The following MAN1A1 variants were observed in gnomAD, a reference collection of about 807,000 sequenced individuals.
MAN1A1 encodes mannosidase alpha class 1A member 1.
A neutral mutation model predicts 70.8 loss-of-function variants in MAN1A1; 29 were observed. That is an observed-to-expected ratio of 0.41 (90% CI 0.31 to 0.56). The LOEUF (loss-of-function observed/expected upper bound fraction) is 0.56. MAN1A1 is among the 20% of genes least tolerant of loss of function. The probability of loss-of-function intolerance (pLI) is 0.29; values close to 1 mark genes in which losing one functional copy is unlikely to be tolerated. For synonymous variants in MAN1A1, 349 were observed against 330.1 expected (o/e 1.06, Z -0.62); for missense variants, 747 against 841.3 (o/e 0.89, Z 1.39).
intron 2 of MAN1A1, among the ~76,000 whole-genome samples, chr6:119,338,006 T>C (rs1034627945): frequency 2.0e-5 from 3 of 152,010 alleles, no homozygotes; most frequent in African/African-American, 7.2e-5. Flanking sequence ...TTCTCAGGCA[T>C]TTCTAATTAT....
intron 6 of MAN1A1, 68 bp downstream of exon 6, chr6:119,248,192 T>A (rs1449627101): frequency 9.9e-7 from 1 of 1,012,154 alleles, no homozygotes; most frequent in East Asian, 2.4e-5. Flanking sequence ...CTATCTAATG[T>A]ATACTTATTA....
At chr6:119,198,889 C>A (rs945197868) in intron 8 of MAN1A1, among the ~76,000 whole-genome samples, 1 of 152,150 alleles carries the variant, frequency 6.6e-6, no homozygotes, top group Non-Finnish European at 1.5e-5. Context: ...TTTGATATTA[C>A]AACAATAGTC....
chr6:119,331,582 T>TATATATATATACAC (rs1289817776), intron 2 of MAN1A1, among the ~76,000 whole-genome samples: 2 of 144,738 alleles, frequency 1.4e-5, no homozygotes, highest in African/African-American at 5.1e-5. Flanking sequence ...TATATATATA[T>TATATATATATACAC]ATATATATAT....
At chr6:119,227,334 T>C (rs1774545790) in intron 6 of MAN1A1, among the ~76,000 whole-genome samples, 1 of 152,234 alleles carries the variant, frequency 6.6e-6, no homozygotes, top group Admixed American at 6.5e-5. Context: ...TTGTATATCT[T>C]GATTGTGGCA....
intron 6 of MAN1A1, among the ~76,000 whole-genome samples, chr6:119,247,376 C>A (rs1363358400): frequency 1.3e-5 from 2 of 152,106 alleles, no homozygotes; most frequent in Non-Finnish European, 2.9e-5. Context: ...ATGGAGATAA[C>A]AGCATTGACC....
chr6:119,288,614 A>C (rs913765153), intron 5 of MAN1A1, among the ~76,000 whole-genome samples: 2 of 151,914 alleles, frequency 1.3e-5, no homozygotes, highest in Admixed American at 1.3e-4. Flanking sequence ...AGAAATAGGC[A>C]AGTGATGATG....
chr6:119,331,583 A>G (rs894401495), intron 2 of MAN1A1, among the ~76,000 whole-genome samples: 3 of 136,208 alleles, frequency 2.2e-5, no homozygotes, highest in African/African-American at 9.5e-5. Flanking sequence ...ATATATATAT[A>G]TATATATATA....
rs1774587672 is a variant in MAN1A1 at position 119,228,669 on chromosome 6, G to T, written c.992+19591C>A. On this transcript the variant is annotated intron_variant, in intron 6 of 12. Coordinates refer to ENST00000368468, the MANE Select transcript of MAN1A1 (RefSeq NM_005907.4). ...ATATGAAATTCAGAATAAATCTGAAGAACTTAAAAAAACAAATTTGGAAGG... is the reference window on the plus strand; with the variant it reads ...ATATGAAATTCAGAATAAATCTGAATAACTTAAAAAAACAAATTTGGAAGG... Among the ~76,000 whole-genome samples the T allele has an allele frequency of 2.0e-5, 3 of 151,312 alleles. No homozygotes were observed. In the South Asian group the frequency reaches 6.3e-4, roughly 32 times the overall value.
chr6:119,335,035 C>G lies in MAN1A1; in HGVS notation c.603+13428G>C, dbSNP rs143974621. ...ATGGTTTTCCTGAGGATGAGCATCC[C>G]TTCTGTGTAATAACAATTCTAACAA... On this transcript the variant is annotated intron_variant, in intron 2 of 12. Transcript: ENST00000368468. Among the ~76,000 whole-genome samples the G allele has an allele frequency of 1.3e-3, 197 of 152,280 alleles. 1 individual carries two copies. The highest frequency in any genetic ancestry group is 4.6e-3 in the African/African-American group (190 of 41,566).
At position 119,217,448 on chromosome 6, in the gene MAN1A1, A is replaced by AT. The variant is rs199869900; in HGVS notation, c.993-12567dup. ...AGGCATGCACCACCACGCCTGGCTA[A>AT]TTTTTTGTATTTTAGTGGAAACAGG... On this transcript the variant is annotated intron_variant, in intron 6 of 12. Coordinates refer to ENST00000368468, the MANE Select transcript of MAN1A1 (RefSeq NM_005907.4). 9.5e-4 allele frequency among the ~76,000 whole-genome samples: 145 copies of AT among 152,110 alleles called. 2 individuals carry two copies. In the East Asian group the frequency reaches 0.027, roughly 28 times the overall value.
At position 119,250,691 on chromosome 6, in the gene MAN1A1, C is replaced by T. The variant is rs954084937; in HGVS notation, c.898-2337G>A. Among the ~76,000 whole-genome samples the T allele has an allele frequency of 9.3e-5, 14 of 150,392 alleles. No homozygotes were observed. The East Asian group carries it at 2.6e-3, about 28-fold the overall frequency. ...GTGTGTGTGTGCGTGTCAGTTACTC[C>T]CCACCTGCCTCTTCCCCGACATACA... On this transcript the variant is annotated intron_variant, in intron 5 of 12. Transcript: ENST00000368468.
intron 11 of MAN1A1, among the ~76,000 whole-genome samples, chr6:119,183,838 T>TA (rs373214771): frequency 2.2e-4 from 33 of 152,172 alleles, no homozygotes; most frequent in African/African-American, 7.9e-4. Context: ...GAGACCCCCT[T>TA]ATCAGTGGCC....
chr6:119,322,882 T>G (rs1773052615), intron 2 of MAN1A1, among the ~76,000 whole-genome samples: 1 of 152,218 alleles, frequency 6.6e-6, no homozygotes, highest in Non-Finnish European at 1.5e-5. Flanking sequence ...TAGCTGGGTC[T>G]TTGATGTGGT....
In MAN1A1 at chr6:119,193,892, T is replaced by C; in HGVS notation, c.1211A>G (p.His404Arg). ...LNPSSGQWGQ[H>R]HVSVGGLGDS... ...TCCAAGTCCTCCAACTGATACATGA[T>C]CTGGAAAGAGAGGGAAATGAATTTT... Residue 404 changes from histidine (H) to arginine (R), a missense_variant and splice_region_variant, in exon 9 of 13, where the codon CAT (histidine) becomes CGT (arginine). By Grantham distance (29) the His-to-Arg change is conservative. Around this residue, in one of 2 missense-constraint regions of MAN1A1, gnomAD observed 419 missense variants for 548.2 expected, o/e 0.76. Transcript: ENST00000368468. The C allele has an allele frequency of 1.3e-6, 2 of 1,586,590 alleles. No homozygotes were observed. Among genetic ancestry groups the C allele is most frequent in the Non-Finnish European group, 8.6e-7 (1 of 1,156,644 alleles).
At position 119,224,323 on chromosome 6, in the gene MAN1A1, C is replaced by T. The variant is rs150709685; in HGVS notation, c.993-19441G>A. On this transcript the variant is annotated intron_variant, in intron 6 of 12. Transcript: ENST00000368468. ...CATGCTCTACTCAGGATACAGGAAG[C>T]GAAATCCTTACTGAAGTGTCAGAAG... Among the ~76,000 whole-genome samples, 38 of 152,264 alleles carry T rather than the reference C, an allele frequency of 2.5e-4. No individual in the cohort carries two copies. In the East Asian group the frequency reaches 5.8e-3, roughly 23 times the overall value.
At chr6:119,253,457 T>C (rs566120606) in intron 5 of MAN1A1, among the ~76,000 whole-genome samples, 3 of 152,274 alleles carry the variant, frequency 2.0e-5, no homozygotes, top group African/African-American at 7.2e-5. Context: ...CTATGAAGTT[T>C]TGTCTCATCT....
intron 2 of MAN1A1, among the ~76,000 whole-genome samples, chr6:119,335,089 A>C (rs1302511112): frequency 6.6e-6 from 1 of 152,232 alleles, no homozygotes; most frequent in Non-Finnish European, 1.5e-5. Flanking sequence ...TTCCTGCCAT[A>C]GGAAGTGAGA....
chr6:119,229,497 T>C (rs1245079582), intron 6 of MAN1A1, among the ~76,000 whole-genome samples: 1 of 152,216 alleles, frequency 6.6e-6, no homozygotes, highest in East Asian at 1.9e-4. Flanking sequence ...GTAATGCAAT[T>C]TGGGAAATAT....
intron 5 of MAN1A1, among the ~76,000 whole-genome samples, chr6:119,283,241 T>C (rs1270590193): frequency 6.6e-6 from 1 of 152,230 alleles, no homozygotes; most frequent in Admixed American, 6.5e-5. Flanking sequence ...TAGTTGCTTA[T>C]TTATATTATC....
Sources: gnomAD v4.1 joint callset for allele counts (sites outside exome capture counted in the v4.1 genomes callset) on GRCh38, gnomAD v4.1.1 for gene constraint, gnomAD v4.1.1 regional missense constraint, MANE v1.5 for transcripts, NCBI Gene and HGNC (gene_info 2026-07-23, HGNC 2026-07-21) for gene names.